The following PLCZ1 variants were observed in gnomAD, a reference collection of about 807,000 sequenced individuals.
The protein encoded by PLCZ1 is 1-phosphatidylinositol 4,5-bisphosphate phosphodiesterase zeta-1.
A neutral mutation model predicts 76.8 loss-of-function variants in PLCZ1; 64 were observed. That is an observed-to-expected ratio of 0.83 (90% CI 0.68 to 1.03). The LOEUF is 1.03. PLCZ1 is among the 50% of genes least tolerant of loss of function. The pLI, the probability that PLCZ1 is intolerant of heterozygous loss-of-function variation, is 0.00. For synonymous variants in PLCZ1, 248 were observed against 230.8 expected (o/e 1.07, Z -0.68); for missense variants, 751 against 713.7 (o/e 1.05, Z -0.60).
At chr12:18,669,258 C>T in the PLCZ1 span, among the ~76,000 whole-genome samples, 1 of 152,178 alleles carries the variant, frequency 6.6e-6, no homozygotes, top group African/African-American at 2.4e-5. Context: ...GGCAATCAAG[C>T]ATCAGAATCC....
At chr12:18,678,301 A>C (rs534364998), downstream of PLCZ1, among the ~76,000 whole-genome samples, 5 of 152,252 alleles carry the variant, frequency 3.3e-5, no homozygotes, top group South Asian at 1.0e-3. Flanking sequence ...TGCTCAAAAG[A>C]AAGCCAGAAT....
the PLCZ1 span, among the ~76,000 whole-genome samples, chr12:18,669,961 C>T: frequency 2.0e-5 from 3 of 152,108 alleles, no homozygotes; most frequent in African/African-American, 7.2e-5. Context: ...AGCCACCGCG[C>T]CCGGCCCTCT....
intron 13 of PLCZ1, among the ~76,000 whole-genome samples, chr12:18,684,893 G>A (rs1015523166): frequency 1.2e-4 from 18 of 151,820 alleles, no homozygotes; most frequent in Non-Finnish European, 2.5e-4. Flanking sequence ...GAGATCTGAT[G>A]GTTTTATAAG....
At chr12:18,700,014 A>T in intron 9 of PLCZ1, 64 bp from the exon 10 acceptor site, 1 of 1,381,464 alleles carries the variant, frequency 7.2e-7, no homozygotes, top group Admixed American at 2.0e-5. Context: ...AATTTTTTCT[A>T]GTAAAGAAAA....
intron 3 of PLCZ1, among the ~76,000 whole-genome samples, chr12:18,730,050 T>C (rs181466685): frequency 6.8e-4 from 103 of 152,204 alleles, no homozygotes; most frequent in Admixed American, 2.5e-3. Context: ...CCCACAACAA[T>C]CATGTGAGAT....
intron 13 of PLCZ1, among the ~76,000 whole-genome samples, chr12:18,687,461 T>C (rs556577132): frequency 6.6e-6 from 1 of 152,104 alleles, no homozygotes; most frequent in Non-Finnish European, 1.5e-5. Flanking sequence ...ACCTATCCTT[T>C]TCTAATTTCC....
At chr12:18,706,093 C>T (rs556043517) in intron 6 of PLCZ1, among the ~76,000 whole-genome samples, 14 of 151,556 alleles carry the variant, frequency 9.2e-5, no homozygotes, top group Admixed American at 5.3e-4. Flanking sequence ...ATTAGCTAGG[C>T]GTGGTGGCAG....
intron 12 of PLCZ1, chr12:18,692,622 C>A (rs1203872818): frequency 3.5e-6 from 2 of 575,848 alleles, no homozygotes; most frequent in African/African-American, 3.8e-5. Context: ...ATGAGGTCAA[C>A]CGCAATGGGG....
chr12:18,701,503 T>G lies in PLCZ1; in HGVS notation c.1015A>C (p.Lys339Gln). 6.2e-7 allele frequency: 1 copy of G among 1,614,104 alleles called. No individual in the cohort carries two copies. Among genetic ancestry groups the G allele is most frequent in the Non-Finnish European group, 8.5e-7 (1 of 1,180,006 alleles). ...ATTTTCACAAAACACCACCTCACCT[T>G]CTTTTTCTTGAAAAGCATTACTCCA... ...LPGVMLFKKK[K>Q]TRKLKIALAL... The change falls in exon 9 of 15, where the codon AAG becomes CAG. Residue 339 changes from lysine to glutamine, a missense_variant and splice_region_variant. Transcript: ENST00000266505.
chr12:18,715,280 A>G (rs888854320), intron 5 of PLCZ1, among the ~76,000 whole-genome samples: 75 of 150,580 alleles, frequency 5.0e-4, no homozygotes, highest in African/African-American at 1.2e-3. Flanking sequence ...CTGATGAGGA[A>G]GTAAGGCTTT....
At chr12:18,714,912 G>A (rs556953224) in intron 5 of PLCZ1, 1 of 152,018 alleles carries the variant, frequency 6.6e-6, no homozygotes, top group South Asian at 2.1e-4. Context: ...CCTGGAGAAG[G>A]GAGTGTCGTC....
chr12:18,727,421 T>C (rs1958816532), intron 3 of PLCZ1, among the ~76,000 whole-genome samples: 1 of 152,250 alleles, frequency 6.6e-6, no homozygotes, highest in Admixed American at 6.5e-5. Context: ...TGGACAATTC[T>C]TCCTGGAGGG....
chr12:18,663,163 A>G, the PLCZ1 span, among the ~76,000 whole-genome samples: 1 of 152,146 alleles, frequency 6.6e-6, no homozygotes, highest in Non-Finnish European at 1.5e-5. Context: ...AAGATCAGGA[A>G]CAAGGCAAGG....
rs186533129 is a variant in PLCZ1, at chr12:18,711,171, G to T, written c.714+1671C>A. Among the ~76,000 whole-genome samples the T allele has an allele frequency of 7.6e-3, 1,149 of 151,696 alleles. 13 individuals are homozygous for T. The highest frequency in any genetic ancestry group is 0.026 in the African/African-American group (1,094 of 41,340). The stretch of plus-strand genomic sequence containing the variant: ...AACGATAGACTGGATTAAGAAAATG[G>T]GGAACATATACACCATGGAATACTA... On this transcript the variant is annotated intron_variant, in intron 6 of 14. Transcript: ENST00000266505.
intron 5 of PLCZ1, among the ~76,000 whole-genome samples, chr12:18,716,609 T>C (rs1211559599): frequency 1.3e-5 from 2 of 152,216 alleles, no homozygotes; most frequent in African/African-American, 2.4e-5. Flanking sequence ...GTTTCTCTCT[T>C]GACTTCGGCT....
chr12:18,657,066 C>CA, the PLCZ1 span, among the ~76,000 whole-genome samples: 2 of 151,998 alleles, frequency 1.3e-5, no homozygotes, highest in South Asian at 4.2e-4. Flanking sequence ...CTAGTGATCC[C>CA]AAAAAAACAA....
intron 8 of PLCZ1, 48 bp from the exon 9 acceptor site, chr12:18,701,616 TCCTCCTCCTC>T: frequency 4.2e-6 from 1 of 238,316 alleles, no homozygotes; most frequent in South Asian, 9.3e-5. Flanking sequence ...ATCCTCCTCC[TCCTCCTCCTC>T]CTCCTCCTCC....
At chr12:18,663,723 C>A in the PLCZ1 span, among the ~76,000 whole-genome samples, 108 of 151,038 alleles carry the variant, frequency 7.2e-4, no homozygotes, top group Middle Eastern at 6.8e-3. Context: ...AAGACACAAA[C>A]AACAGAAGAA....
intron 3 of PLCZ1, among the ~76,000 whole-genome samples, chr12:18,729,376 G>A (rs1215470174): frequency 6.6e-6 from 1 of 151,826 alleles, no homozygotes; most frequent in Non-Finnish European, 1.5e-5. Context: ...CAGATTCCCT[G>A]TATTACCCAC....
Sources: gnomAD v4.1 joint callset for allele counts (sites outside exome capture counted in the v4.1 genomes callset) on GRCh38, gnomAD v4.1.1 for gene constraint, MANE v1.5 for transcripts, NCBI Gene and HGNC (gene_info 2026-07-23, HGNC 2026-07-21) for gene names.